The following MYH2 variants were observed in gnomAD, a reference collection of about 807,000 sequenced individuals.
MYH2 encodes the protein myosin heavy chain 2, also known as myosin-2.
In MYH2, 139 loss-of-function variants were observed where a neutral mutation model predicts 228.1. The ratio of observed to expected loss-of-function variants is 0.61; its 90% CI spans 0.53 to 0.70. MYH2 has a LOEUF of 0.70. Ranked by LOEUF, MYH2 falls within the 30% of genes least tolerant of loss-of-function variation. The pLI, the probability that MYH2 is intolerant of heterozygous loss-of-function variation, is 0.00. For missense variants in MYH2, 1,809 were observed against 2,357.5 expected (o/e 0.77, Z 4.82); for synonymous variants, 796 against 871.1 (o/e 0.91, Z 1.52).
chr17:10,527,023 G>C lies in MYH2; in HGVS notation c.3905C>G (p.Ala1302Gly). The change falls in exon 29 of 40, where the codon GCT becomes GGT. Residue 1302 changes from alanine to glycine, a missense_variant. By Grantham distance (60) the Ala-to-Gly change is moderately conservative (BLOSUM62 0). Transcript: ENST00000245503. ...EFSRQLDEKE[A>G]LVSQLSRGKQ... ...GCCTCTTGATAACTGAGACACCAGA[G>C]CTTCCTTTTCATCAAGCTGGCGTGA... 1 of 1,614,142 alleles carries C rather than the reference G, an allele frequency of 6.2e-7. No homozygotes were observed. The highest frequency in any genetic ancestry group is 8.5e-7 in the Non-Finnish European group (1 of 1,180,028).
At position 10,521,237 on chromosome 17, in the gene MYH2, A is replaced by G; in HGVS notation, c.*43T>C. 6.2e-7 allele frequency: 1 copy of G among 1,607,952 alleles called. No individual in the cohort carries two copies. Among genetic ancestry groups the G allele is most frequent in the Non-Finnish European group, 8.5e-7 (1 of 1,175,938 alleles). The stretch of plus-strand genomic sequence containing the variant: ...AGAGGGAAATGACCAAAGATGTCAC[A>G]TTTTGTGCCTGTCTTCAGTCATTCC... On this transcript the variant is annotated 3_prime_UTR_variant, in exon 40 of 40. Coordinates refer to ENST00000245503, the MANE Select transcript of MYH2 (RefSeq NM_017534.6).
In MYH2 at chr17:10,539,196, C is replaced by T. The variant is rs753547111; in HGVS notation, c.1416+9G>A. 1.4e-5 allele frequency: 22 copies of T among 1,613,984 alleles called. No individual in the cohort carries two copies. Among genetic ancestry groups the T allele is most frequent in the East Asian group, 2.2e-5 (1 of 44,890 alleles). On this transcript the variant is annotated intron_variant, in intron 14 of 39. Transcript: ENST00000245503. The stretch of plus-strand genomic sequence containing the variant: ...GTAAAATCCTCTCACCAATCAGCTA[C>T]AAACTCACATCAAAAATCTCAAAAC...
Position 10,524,019 on chromosome 17 carries a change from T to C in MYH2, c.5176-135A>G. The C allele has an allele frequency of 1.2e-6, 1 of 815,464 alleles. No homozygotes were observed. The highest frequency in any genetic ancestry group is 1.9e-6 in the Non-Finnish European group (1 of 530,178). 50.5% of individuals were successfully genotyped at this position (815,464 alleles called of 1,614,324 possible). ...TTAATATTAAAGAATTAAAGGATTG[T>C]GTTATGTAATATGATTAAATAAAAT... On this transcript the variant is annotated intron_variant, in intron 35 of 39. Transcript: ENST00000245503. This position sits in a 1 kb window ranked among gnomAD's most constrained non-coding sequence, Gnocchi z 4.7.
At position 10,530,094 on chromosome 17, in the gene MYH2, C is replaced by A. The variant is rs1448968025; in HGVS notation, c.2698-20G>T. 5.0e-6 allele frequency: 8 copies of A among 1,614,170 alleles called. No homozygotes were observed. The highest frequency in any genetic ancestry group is 6.8e-6 in the Non-Finnish European group (8 of 1,180,022). The stretch of plus-strand genomic sequence containing the variant: ...GGCTTCCTTAAGTTGGAAACAAGAT[C>A]AAAATTGGGAAGAAAGAATGAAATA... On this transcript the variant is annotated intron_variant, in intron 22 of 39. Coordinates refer to ENST00000245503, the MANE Select transcript of MYH2 (RefSeq NM_017534.6).
In MYH2 at chr17:10,547,748, C is replaced by T. The variant is rs746010841; in HGVS notation, c.173G>A (p.Gly58Glu). The T allele has an allele frequency of 6.2e-7, 1 of 1,614,256 alleles. No individual in the cohort carries two copies. Among genetic ancestry groups the T allele is most frequent in the Non-Finnish European group, 8.5e-7 (1 of 1,180,048 alleles). ...TCCCTCAGTCTTCACCGTCACTTTT[C>T]CTCCTTCTCTGCTCTGGATGGTCCC... ...VKGTIQSREG[G>E]KVTVKTEGGA... The change falls in exon 3 of 40, where the codon GGA (glycine) becomes GAA (glutamate). Residue 58 changes from glycine (G) to glutamate (E), a missense_variant. Physicochemically the swap from Gly to Glu is moderately conservative, Grantham distance 98. This residue lies in a region of MYH2 where 84 missense variants were observed against 81.8 expected (regional missense o/e 1.03). Transcript: ENST00000245503.
intron 3 of MYH2, 21 bp from the exon 4 acceptor site, chr17:10,547,639 C>A (rs2142325197): frequency 6.2e-7 from 1 of 1,614,132 alleles, no homozygotes; most frequent in Non-Finnish European, 8.5e-7. Context: ...GGAAAGATAA[C>A]CGTTTACATT....
Position 10,529,212 on chromosome 17 carries a change from C to T in MYH2, c.3304G>A (p.Asp1102Asn). The change falls in exon 26 of 40, where the codon GAT becomes AAT. Residue 1102 changes from aspartate (D) to asparagine (N), a missense_variant. Transcript: ENST00000245503. ...EISNLQSKIE[D>N]EQALGIQLQK... ...AATTGAATGCCAAGTGCCTGTTCAT[C>T]TTCAATCTTGCTTTGCAGATTGCTG... The T allele has an allele frequency of 6.2e-7, 1 of 1,614,268 alleles. No homozygotes were observed. The highest frequency in any genetic ancestry group is 8.5e-7 in the Non-Finnish European group (1 of 1,180,056).
intron 8 of MYH2, 91 bp from the exon 9 acceptor site, chr17:10,543,252 T>G: frequency 1.0e-6 from 1 of 980,416 alleles, no homozygotes; most frequent in Non-Finnish European, 1.6e-6. Context: ...ACTTTAATAT[T>G]AAATCAATTC....
chr17:10,533,246 T>TA, intron 21 of MYH2, 39 bp downstream of exon 21: 1 of 1,612,706 alleles, frequency 6.2e-7, no homozygotes, highest in Non-Finnish European at 8.5e-7. Context: ...CAAATATGTT[T>TA]TTGAAGATGG....
Position 10,525,898 on chromosome 17 carries a change from C to T in MYH2, c.4188-22G>A. 1 of 1,612,280 alleles carries T rather than the reference C, an allele frequency of 6.2e-7. No homozygotes were observed. Among genetic ancestry groups the T allele is most frequent in the Non-Finnish European group, 8.5e-7 (1 of 1,178,498 alleles). ...CTTCCTTGAATATTATACATGTTTT[C>T]AGAGAGAAGTGAACCATAATATGAA... On this transcript the variant is annotated intron_variant, in intron 30 of 39. Transcript: ENST00000245503. This position sits in a 1 kb window ranked among gnomAD's most constrained non-coding sequence, Gnocchi z 4.2.
chr17:10,536,897 G>C (rs1396493587), intron 16 of MYH2, among the ~76,000 whole-genome samples: 1 of 152,194 alleles, frequency 6.6e-6, no homozygotes, highest in Non-Finnish European at 1.5e-5. Flanking sequence ...AGCTAGTACT[G>C]AGAGGTGGAA....
At chr17:10,531,990 G>T (rs919240266) in intron 21 of MYH2, 102 bp from the exon 22 acceptor site, 31 of 1,430,958 alleles carry the variant, frequency 2.2e-5, no homozygotes, top group Non-Finnish European at 2.7e-5. Flanking sequence ...TTCCTACTCT[G>T]CTTTCAAACA....
chr17:10,545,270 A>C, intron 5 of MYH2, 76 bp downstream of exon 5: 2 of 1,610,276 alleles, frequency 1.2e-6, no homozygotes, highest in Non-Finnish European at 1.7e-6. Flanking sequence ...GAATGTGTTG[A>C]GATTGCCTCG....
chr17:10,525,830 C>T lies in MYH2; in HGVS notation c.4234G>A (p.Ala1412Thr), dbSNP rs2073345529. 1 of 1,614,052 alleles carries T rather than the reference C, an allele frequency of 6.2e-7. No individual in the cohort carries two copies. Among genetic ancestry groups the T allele is most frequent in the African/African-American group, 1.3e-5 (1 of 74,906 alleles). Residue 1412 changes from alanine to threonine, a missense_variant, in exon 31 of 40, where the codon GCT becomes ACT. Ala to Thr is a moderately conservative substitution (Grantham distance 58). Transcript: ENST00000245503. This position sits in a 1 kb window ranked among gnomAD's most constrained non-coding sequence, Gnocchi z 4.2. Reference sequence around the variant, plus strand: ...AGGGAAGCACATTTGGCGTTCACAGCTTCTACATGTTCCTCAGCTGCCTGC... The same window carrying T: ...AGGGAAGCACATTTGGCGTTCACAGTTTCTACATGTTCCTCAGCTGCCTGC... ...RLQAAEEHVEAVNAKCASLEK... is the reference protein window; with the variant it reads ...RLQAAEEHVETVNAKCASLEK...
chr17:10,541,455 A>G (rs1294141870), intron 10 of MYH2, among the ~76,000 whole-genome samples: 1 of 152,144 alleles, frequency 6.6e-6, no homozygotes, highest in Non-Finnish European at 1.5e-5. Flanking sequence ...GTAAATTTTA[A>G]TCAGACCGGT....
chr17:10,545,740 G>A (rs186886650), intron 4 of MYH2, among the ~76,000 whole-genome samples: 1 of 152,020 alleles, frequency 6.6e-6, no homozygotes, highest in South Asian at 2.1e-4. Flanking sequence ...AATTTTGTAC[G>A]TGCTTTTTGT....
At chr17:10,545,267 T>G (rs974477085) in intron 5 of MYH2, 79 bp downstream of exon 5, 3 of 1,609,576 alleles carry the variant, frequency 1.9e-6, no homozygotes, top group African/African-American at 2.7e-5. Context: ...AAGGAATGTG[T>G]TGAGATTGCC....
At position 10,536,607 on chromosome 17, in the gene MYH2, C is replaced by T; in HGVS notation, c.1898-1G>A. ...TTCTTGGCCCCTCCACCAGCTCCCTCTGAAGAAAAAGGAAGAAAAGAAATA... is the reference window on the plus strand; with the variant it reads ...TTCTTGGCCCCTCCACCAGCTCCCTTTGAAGAAAAAGGAAGAAAAGAAATA... On this transcript the variant is annotated splice_acceptor_variant, in intron 16 of 39. Coordinates refer to ENST00000245503, the MANE Select transcript of MYH2 (RefSeq NM_017534.6). LOFTEE classifies it high-confidence loss of function. 1 of 1,613,120 alleles carries T rather than the reference C, an allele frequency of 6.2e-7. No homozygotes were observed.
intron 30 of MYH2, among the ~76,000 whole-genome samples, chr17:10,526,142 C>T (rs1410590587): frequency 6.6e-6 from 1 of 152,134 alleles, no homozygotes; most frequent in Non-Finnish European, 1.5e-5. Flanking sequence ...CGTAATAATA[C>T]CTTACAGATA....
Sources: allele counts gnomAD v4.1 joint callset (sites outside exome capture counted in the v4.1 genomes callset), GRCh38; gene constraint gnomAD v4.1.1; regional missense constraint gnomAD v4.1.1; non-coding constraint Gnocchi (gnomAD v3.1); transcripts MANE v1.5; gene names NCBI Gene and HGNC (gene_info 2026-07-23, HGNC 2026-07-21).